The following BIVM variants were observed in gnomAD, a reference collection of about 807,000 sequenced individuals.
BIVM encodes basic, immunoglobulin-like variable motif containing, also known as basic immunoglobulin-like variable motif-containing protein.
In BIVM, 31 loss-of-function variants were observed where a neutral mutation model predicts 61.4. The observed-to-expected ratio is 0.51, with a 90% CI of 0.38 to 0.68. The LOEUF is 0.68. BIVM is among the 30% of genes least tolerant of loss of function. BIVM has a pLI of 0.00. For synonymous variants in BIVM, 189 were observed against 210.7 expected (o/e 0.90, Z 0.89); for missense variants, 526 against 596.0 (o/e 0.88, Z 1.22).
intron 7 of BIVM, among the ~76,000 whole-genome samples, chr13:102,830,045 C>T (rs565387647): frequency 1.3e-5 from 2 of 151,980 alleles, no homozygotes; most frequent in African/African-American, 4.8e-5. Context: ...GTTTTGTTTT[C>T]TCCTAATGCT....
chr13:102,833,449 T>C (rs1359938271), intron 8 of BIVM, among the ~76,000 whole-genome samples: 1 of 149,910 alleles, frequency 6.7e-6, no homozygotes, highest in Non-Finnish European at 1.5e-5. Context: ...CACCTCAGCC[T>C]CCTGAGTAGC....
intron 4 of BIVM, among the ~76,000 whole-genome samples, chr13:102,819,360 G>T (rs1443605919): frequency 6.6e-6 from 1 of 152,174 alleles, no homozygotes; most frequent in Non-Finnish European, 1.5e-5. Flanking sequence ...TGATAAATTT[G>T]ATGTTGTATG....
chr13:102,834,195 AT>A (rs989547584), intron 8 of BIVM, among the ~76,000 whole-genome samples: 8 of 151,700 alleles, frequency 5.3e-5, no homozygotes, highest in Admixed American at 2.6e-4. Flanking sequence ...GCATTCCAGG[AT>A]TTTTTTTTCC....
At position 102,807,275 on chromosome 13, in the gene BIVM, A is replaced by G; in HGVS notation, c.8A>G (p.Asn3Ser). Reference protein sequence around the residue: MPNVAETERSNDS... With the variant: MPSVAETERSNDS... Reference sequence around the variant, plus strand: ...ACTTTTACACTGCATTCAATGCCTAACGTTGCAGAAACAGAAAGGTCAAAT... The same window carrying G: ...ACTTTTACACTGCATTCAATGCCTAGCGTTGCAGAAACAGAAAGGTCAAAT... Residue 3 changes from asparagine (N) to serine (S), a missense_variant, in exon 3 of 11, where the codon AAC becomes AGC. Transcript: ENST00000257336. The surrounding 1 kb of genome is among the most constrained non-coding windows in gnomAD (Gnocchi z 4.0). 1 of 1,605,318 alleles carries G rather than the reference A, an allele frequency of 6.2e-7. No homozygotes were observed. Among genetic ancestry groups the G allele is most frequent in the Non-Finnish European group, 8.5e-7 (1 of 1,173,728 alleles).
At chr13:102,819,837 A>G (rs1420389902) in intron 4 of BIVM, among the ~76,000 whole-genome samples, 1 of 152,224 alleles carries the variant, frequency 6.6e-6, no homozygotes, top group Non-Finnish European at 1.5e-5. Context: ...ACAAATGCAT[A>G]TATGTACACA....
At chr13:102,825,304 C>T (rs1215041139) in intron 7 of BIVM, among the ~76,000 whole-genome samples, 2 of 151,696 alleles carry the variant, frequency 1.3e-5, no homozygotes, top group East Asian at 3.9e-4. Flanking sequence ...CACTATATTG[C>T]CCAGGCTAGT....
intron 3 of BIVM, among the ~76,000 whole-genome samples, chr13:102,809,470 A>G (rs1879329067): frequency 6.6e-6 from 1 of 152,222 alleles, no homozygotes; most frequent in South Asian, 2.1e-4. Flanking sequence ...TGCATTCTGC[A>G]GTCATTGGGA....
rs1006751562 is a variant in BIVM at position 102,807,472 on chromosome 13, A to G, written c.205A>G (p.Ile69Val). ...TCATACACGGGAAAAAATTTATGCC[A>G]TCTGTTCGGACTATGCCTTTCTCAA... is the stretch of plus-strand genomic sequence containing the variant. ...VTHTREKIYA[I>V]CSDYAFLNQA... The change falls in exon 3 of 11, where the codon ATC (isoleucine) becomes GTC (valine). Residue 69 changes from isoleucine to valine, a missense_variant. By Grantham distance (29) the Ile-to-Val change is conservative. This residue lies in a region of BIVM where 312 missense variants were observed against 343.8 expected (regional missense o/e 0.91). Transcript: ENST00000257336. This position sits in a 1 kb window ranked among gnomAD's most constrained non-coding sequence, Gnocchi z 4.0. 1.9e-6 allele frequency: 3 copies of G among 1,614,198 alleles called. No individual in the cohort carries two copies. Among genetic ancestry groups the G allele is most frequent in the South Asian group, 1.1e-5 (1 of 91,084 alleles).
chr13:102,806,064 T>C (rs1879055531), intron 2 of BIVM, among the ~76,000 whole-genome samples: 3 of 152,224 alleles, frequency 2.0e-5, no homozygotes. Context: ...GAAGAACTGT[T>C]TTCCAAAGCA....
At position 102,821,777 on chromosome 13, in the gene BIVM, A is replaced by G. The variant is rs1207627573; in HGVS notation, c.736A>G (p.Ile246Val). ...PPITQEEALHILGFQPPFEDI... is the reference protein window; with the variant it reads ...PPITQEEALHVLGFQPPFEDI... ...TATTACCCAAGAAGAAGCTTTACAT[A>G]TTCTGGGCTTTCAACCTCCATTTGA... The change falls in exon 6 of 11, where the codon ATT becomes GTT. Residue 246 changes from isoleucine (I) to valine (V), a missense_variant. This residue lies in a region of BIVM where 312 missense variants were observed against 343.8 expected (regional missense o/e 0.91). Transcript: ENST00000257336. 1.2e-6 allele frequency: 2 copies of G among 1,613,946 alleles called. No homozygotes were observed. Among genetic ancestry groups the G allele is most frequent in the African/African-American group, 1.3e-5 (1 of 74,936 alleles).
In BIVM at chr13:102,807,511, A is replaced by G. The variant is rs41281670; in HGVS notation, c.244A>G (p.Ile82Val). The stretch of plus-strand genomic sequence containing the variant: ...TGCCTTTCTCAACCAGGCGACCTCA[A>G]TCTATAAAACTCCAAATCCATCCCG... ...DYAFLNQATSIYKTPNPSRSP... is the reference protein window; with the variant it reads ...DYAFLNQATSVYKTPNPSRSP... The change falls in exon 3 of 11, where the codon ATC becomes GTC. Residue 82 changes from isoleucine to valine, a missense_variant. By Grantham distance (29) the Ile-to-Val change is conservative. Transcript: ENST00000257336. The surrounding 1 kb of genome is among the most constrained non-coding windows in gnomAD (Gnocchi z 4.0). 8.1e-3 allele frequency: 13,048 copies of G among 1,614,190 alleles called. 72 individuals are homozygous for G. Among genetic ancestry groups the G allele is most frequent in the Non-Finnish European group, 0.01 (11,894 of 1,180,034 alleles).
chr13:102,818,763 C>T (rs771002972), intron 4 of BIVM, among the ~76,000 whole-genome samples: 2 of 152,062 alleles, frequency 1.3e-5, no homozygotes, highest in African/African-American at 4.8e-5. Flanking sequence ...AGCATTTTAA[C>T]CTGGTCATAA....
rs966460541 is a variant in BIVM, at chr13:102,838,876, C to G, written c.1218+137C>G. ...TGAAAATTATTTTAAGGACACACGG[C>G]TGTCTTTAAAACCCAAGGGCAAGGG... On this transcript the variant is annotated intron_variant, in intron 10 of 10. Transcript: ENST00000257336. 5.4e-6 allele frequency: 4 copies of G among 745,306 alleles called. No homozygotes were observed. The African/African-American group carries it at 7.2e-5, about 13-fold the overall frequency. The allele number at this position is 745,306 out of a possible 1,614,324, so 46.2% of individuals were successfully genotyped here. A position where few individuals can be genotyped will look rare whatever the true frequency, so the allele number is the denominator to read the frequency against.
chr13:102,808,219 C>A (rs1410582343), intron 3 of BIVM, among the ~76,000 whole-genome samples: 3 of 152,170 alleles, frequency 2.0e-5, no homozygotes, highest in African/African-American at 7.2e-5. Context: ...GTGTACTGCT[C>A]AATTTAAGAG....
rs1881780121 is a variant in BIVM, at chr13:102,841,388, T to G, written c.*1523T>G. ...TGCCTAGCCTACAGAAGGGGATATA[T>G]ATTATGAAATGGTCATTTTTCTGAA... is the stretch of plus-strand genomic sequence containing the variant. On this transcript the variant is annotated 3_prime_UTR_variant, in exon 11 of 11. Coordinates refer to ENST00000257336, the MANE Select transcript of BIVM (RefSeq NM_017693.4). The G allele has an allele frequency of 6.6e-6, 1 of 152,654 alleles. No individual in the cohort carries two copies. Among genetic ancestry groups the G allele is most frequent in the Non-Finnish European group, 1.5e-5 (1 of 68,046 alleles). 9.5% of individuals were successfully genotyped at this position (152,654 alleles called of 1,614,324 possible). A position where few individuals can be genotyped will look rare whatever the true frequency, so the allele number is the denominator to read the frequency against.
intron 7 of BIVM, among the ~76,000 whole-genome samples, chr13:102,823,383 G>A (rs2139212958): frequency 6.6e-6 from 1 of 152,318 alleles, no homozygotes; most frequent in South Asian, 2.1e-4. Flanking sequence ...CAAGTCACTT[G>A]CTGAGCCTTG....
exon 11 of BIVM, chr13:102,841,530 TTAATTA>T (rs1305771876): frequency 6.6e-6 from 1 of 152,656 alleles, no homozygotes; most frequent in Admixed American, 6.5e-5. Context: ...TTTTCTACTT[TTAATTA>T]TATGAATGTT....
intron 3 of BIVM, 39 bp from the exon 4 acceptor site, chr13:102,816,389 T>G: frequency 6.7e-7 from 1 of 1,496,492 alleles, no homozygotes; most frequent in Non-Finnish European, 8.9e-7. Context: ...GTTTACTTCA[T>G]CTTAAGCATT....
intron 3 of BIVM, among the ~76,000 whole-genome samples, chr13:102,815,171 A>G (rs1261754632): frequency 1.3e-5 from 2 of 152,194 alleles, no homozygotes; most frequent in African/African-American, 4.8e-5. Flanking sequence ...ATAGTTCCTG[A>G]GTTCCAGCTG....
Sources: allele counts gnomAD v4.1 joint callset (sites outside exome capture counted in the v4.1 genomes callset), GRCh38; gene constraint gnomAD v4.1.1; regional missense constraint gnomAD v4.1.1; non-coding constraint Gnocchi (gnomAD v3.1); transcripts MANE v1.5; gene names NCBI Gene and HGNC (gene_info 2026-07-23, HGNC 2026-07-21).